PABPC4L: variants seen among roughly 807,000 people sequenced by gnomAD.
The protein encoded by PABPC4L is polyadenylate-binding protein 4-like.
For missense variants in PABPC4L, 452 were observed against 451.4 expected, an observed-to-expected ratio of 1.00 and a Z score of -0.01; for synonymous variants, 169 against 164.1, an observed-to-expected ratio of 1.03 and a Z score of -0.23.
At chr4:134,187,008 A>T in the PABPC4L span, among the ~76,000 whole-genome samples, 1 of 152,112 alleles carries the variant, frequency 6.6e-6, no homozygotes, top group Non-Finnish European at 1.5e-5. Flanking sequence ...ATCTCACACC[A>T]GTTAGAATGG....
the PABPC4L span, among the ~76,000 whole-genome samples, chr4:134,007,969 A>T: frequency 6.6e-6 from 1 of 151,778 alleles, no homozygotes; most frequent in Non-Finnish European, 1.5e-5. Context: ...CAATAATCAT[A>T]ATCTAAGATG....
the PABPC4L span, among the ~76,000 whole-genome samples, chr4:133,969,617 A>G: frequency 6.6e-6 from 1 of 152,228 alleles, no homozygotes; most frequent in Non-Finnish European, 1.5e-5. Flanking sequence ...CAATGTGGTC[A>G]CAGATTAGGA....
the PABPC4L span, among the ~76,000 whole-genome samples, chr4:134,061,997 A>G: frequency 1.4e-3 from 206 of 152,012 alleles, no homozygotes; most frequent in African/African-American, 4.8e-3. Flanking sequence ...TAAACATACA[A>G]CTTGTAAATG....
the PABPC4L span, among the ~76,000 whole-genome samples, chr4:133,970,088 A>T: frequency 1.6e-4 from 23 of 147,566 alleles, no homozygotes; most frequent in East Asian, 3.9e-4. Context: ...ATATATATTT[A>T]AAAAATATAT....
chr4:133,970,041 ATTT>A, the PABPC4L span, among the ~76,000 whole-genome samples: 1 of 146,292 alleles, frequency 6.8e-6, no homozygotes. Context: ...ATATATATTT[ATTT>A]ATTTATTTAA....
At chr4:134,128,250 G>A in the PABPC4L span, among the ~76,000 whole-genome samples, 1 of 152,174 alleles carries the variant, frequency 6.6e-6, no homozygotes, top group Non-Finnish European at 1.5e-5. Context: ...GGGAATAATT[G>A]TGGAAGCCTT....
At chr4:134,092,093 G>A in the PABPC4L span, among the ~76,000 whole-genome samples, 1 of 151,992 alleles carries the variant, frequency 6.6e-6, no homozygotes, top group South Asian at 2.1e-4. Flanking sequence ...ACAGACAGGA[G>A]GCAGGGAAAT....
chr4:134,072,448 A>G, the PABPC4L span, among the ~76,000 whole-genome samples: 1 of 152,192 alleles, frequency 6.6e-6, no homozygotes, highest in Non-Finnish European at 1.5e-5. Flanking sequence ...GTGACTCCAT[A>G]GGGATACCTT....
the PABPC4L span, among the ~76,000 whole-genome samples, chr4:134,188,875 T>C: frequency 1.3e-5 from 2 of 152,056 alleles, no homozygotes; most frequent in Non-Finnish European, 2.9e-5. Context: ...TCATTATTGT[T>C]TCAGGTATTT....
intron 1 of PABPC4L, 85 bp from the exon 2 acceptor site, chr4:134,201,330 C>A (rs1729876021): frequency 3.1e-6 from 4 of 1,297,682 alleles, no homozygotes; most frequent in Non-Finnish European, 4.0e-6. Flanking sequence ...CGGGCTGGCC[C>A]TCCATCTGAG....
At chr4:134,186,258 G>T in the PABPC4L span, among the ~76,000 whole-genome samples, 1 of 152,084 alleles carries the variant, frequency 6.6e-6, no homozygotes, top group African/African-American at 2.4e-5. Context: ...AACAAAGCTG[G>T]AGGCATCATG....
chr4:134,033,596 T>C, the PABPC4L span, among the ~76,000 whole-genome samples: 1 of 152,038 alleles, frequency 6.6e-6, no homozygotes, highest in East Asian at 1.9e-4. Flanking sequence ...ATACAAATGA[T>C]AAGGAAGTGA....
chr4:134,126,309 C>T, the PABPC4L span, among the ~76,000 whole-genome samples: 3 of 152,178 alleles, frequency 2.0e-5, no homozygotes, highest in African/African-American at 4.8e-5. Flanking sequence ...TAAGTCTCAA[C>T]TTCCAGACCT....
chr4:134,143,960 G>T, the PABPC4L span, among the ~76,000 whole-genome samples: 1 of 151,320 alleles, frequency 6.6e-6, no homozygotes, highest in Admixed American at 6.6e-5. Context: ...TGTTCTAAAA[G>T]AAATGTGCAA....
the PABPC4L span, among the ~76,000 whole-genome samples, chr4:134,008,858 G>A: frequency 6.6e-6 from 1 of 151,712 alleles, no homozygotes; most frequent in African/African-American, 2.4e-5. Flanking sequence ...GTGAAATATT[G>A]TAAATAACCT....
At chr4:134,136,375 A>C in the PABPC4L span, among the ~76,000 whole-genome samples, 1 of 152,088 alleles carries the variant, frequency 6.6e-6, no homozygotes, top group African/African-American at 2.4e-5. Context: ...TTGTCTTCTG[A>C]CATTCCTTCT....
the PABPC4L span, among the ~76,000 whole-genome samples, chr4:134,094,069 T>C: frequency 2.0e-5 from 3 of 152,080 alleles, no homozygotes; most frequent in African/African-American, 7.2e-5. Context: ...AGCTTCTTTT[T>C]CTCTTCAGAG....
the PABPC4L span, among the ~76,000 whole-genome samples, chr4:134,159,539 T>C: frequency 1.3e-5 from 2 of 152,082 alleles, no homozygotes; most frequent in East Asian, 3.9e-4. Context: ...AGTGCTACCC[T>C]ATCATAGGGC....
the PABPC4L span, among the ~76,000 whole-genome samples, chr4:134,046,158 G>T: frequency 4.1e-4 from 63 of 152,070 alleles, no homozygotes; most frequent in African/African-American, 1.3e-3. Flanking sequence ...AGTTCCCTCA[G>T]AATTTATTGA....
Sources: gnomAD v4.1 joint callset for allele counts (sites outside exome capture counted in the v4.1 genomes callset) on GRCh38, gnomAD v4.1.1 for gene constraint, MANE v1.5 for transcripts, NCBI Gene and HGNC (gene_info 2026-07-23, HGNC 2026-07-21) for gene names.